Variants in NRG1 observed in about 807,000 individuals in gnomAD.
NRG1 encodes the protein pro-neuregulin-1, membrane-bound isoform.
NRG1 carries 18 observed loss-of-function variants against 63.8 expected under a neutral mutation model. The ratio of observed to expected loss-of-function variants is 0.28; its 90% CI spans 0.19 to 0.42. The LOEUF (loss-of-function observed/expected upper bound fraction) is 0.42, where lower values mean the gene tolerates loss of function less well. NRG1 is among the 10% of genes least tolerant of loss of function. The pLI, the probability that NRG1 is intolerant of heterozygous loss-of-function variation, is 1.00. For synonymous variants in NRG1, 302 were observed against 301.3 expected (o/e 1.00, Z -0.02); for missense variants, 762 against 814.7 (o/e 0.94, Z 0.79).
chr8:31,653,955 C>CTT (rs35705418), intron 1 of NRG1, among the ~76,000 whole-genome samples: 320 of 146,832 alleles, frequency 2.2e-3, no homozygotes, highest in Non-Finnish European at 3.5e-3. Context: ...TCATGATGCG[C>CTT]TTTTTTTTTT....
intron 6 of NRG1, among the ~76,000 whole-genome samples, chr8:32,734,675 C>A (rs560330950): frequency 7.9e-5 from 12 of 152,290 alleles, no homozygotes; most frequent in Admixed American, 5.2e-4. Flanking sequence ...TAGAATCCTA[C>A]TATGTGCTTA....
At chr8:31,696,752 G>C (rs1022871210) in intron 1 of NRG1, among the ~76,000 whole-genome samples, 2 of 152,164 alleles carry the variant, frequency 1.3e-5, no homozygotes, top group Non-Finnish European at 2.9e-5. Flanking sequence ...TGTGCAACAT[G>C]CCCAAATTCT....
At chr8:32,322,010 T>C (rs982266226) in intron 1 of NRG1, among the ~76,000 whole-genome samples, 1 of 152,126 alleles carries the variant, frequency 6.6e-6, no homozygotes, top group Non-Finnish European at 1.5e-5. Flanking sequence ...TTTTCCAGCT[T>C]TAAAATTTTT....
intron 1 of NRG1, among the ~76,000 whole-genome samples, chr8:32,505,869 A>G (rs1828459565): frequency 6.6e-6 from 1 of 152,158 alleles, no homozygotes; most frequent in Non-Finnish European, 1.5e-5. Flanking sequence ...CCAGGTGGGA[A>G]ATTTTGCTAG....
chr8:32,368,805 A>T lies in NRG1; in HGVS notation c.38-227023A>T, dbSNP rs149005418. Among the ~76,000 whole-genome samples the T allele has an allele frequency of 2.5e-3, 375 of 152,312 alleles. 1 individual carries two copies. The highest frequency in any genetic ancestry group is 7.9e-3 in the African/African-American group (327 of 41,554). On this transcript the variant is annotated intron_variant, in intron 1 of 10. Transcript: ENST00000519301. Reference sequence around the variant, plus strand: ...CCACCTTTGTCAAAAAATAATTTTAATTTAAAAAATGATGTAAACTTATTT... The same window carrying T: ...CCACCTTTGTCAAAAAATAATTTTATTTTAAAAAATGATGTAAACTTATTT...
intron 1 of NRG1, among the ~76,000 whole-genome samples, chr8:32,172,864 T>C (rs534524035): frequency 1.3e-5 from 2 of 152,286 alleles, no homozygotes; most frequent in East Asian, 3.9e-4. Context: ...CTACATCTGA[T>C]TGGTGTAACT....
chr8:31,958,648 G>A (rs748023445), intron 1 of NRG1, among the ~76,000 whole-genome samples: 4 of 152,204 alleles, frequency 2.6e-5, no homozygotes, highest in Non-Finnish European at 5.9e-5. Context: ...ATGAGGCTTA[G>A]AAGTCTTTGC....
At chr8:32,306,134 A>G (rs1342794532) in intron 1 of NRG1, among the ~76,000 whole-genome samples, 1 of 152,168 alleles carries the variant, frequency 6.6e-6, no homozygotes, top group African/African-American at 2.4e-5. Flanking sequence ...CCATTTCACC[A>G]TTTACTTTCC....
intron 1 of NRG1, among the ~76,000 whole-genome samples, chr8:32,386,986 C>G (rs1481683667): frequency 6.6e-6 from 1 of 152,086 alleles, no homozygotes; most frequent in African/African-American, 2.4e-5. Context: ...ATTGCTAGTT[C>G]AAAATGTCAG....
At chr8:32,757,417 C>G (rs1829880677) in intron 9 of NRG1, among the ~76,000 whole-genome samples, 1 of 152,070 alleles carries the variant, frequency 6.6e-6, no homozygotes, top group Admixed American at 6.5e-5. Flanking sequence ...GTACCATTTT[C>G]TATCCTATAG....
chr8:31,851,495 A>G (rs1216216884), intron 1 of NRG1, among the ~76,000 whole-genome samples: 1 of 152,214 alleles, frequency 6.6e-6, no homozygotes, highest in Non-Finnish European at 1.5e-5. Context: ...AATTACACTG[A>G]AAGGCATTTT....
At chr8:32,296,346 T>C (rs1330502821) in intron 1 of NRG1, among the ~76,000 whole-genome samples, 1 of 152,052 alleles carries the variant, frequency 6.6e-6, no homozygotes, top group Non-Finnish European at 1.5e-5. Flanking sequence ...CCCCAGCCCT[T>C]TGGGGGGCTG....
At chr8:32,301,432 G>T (rs1288730335) in intron 1 of NRG1, among the ~76,000 whole-genome samples, 3 of 152,244 alleles carry the variant, frequency 2.0e-5, no homozygotes, top group Non-Finnish European at 2.9e-5. Context: ...TTGACCCAGG[G>T]TATGCTTTGG....
chr8:31,708,853 G>A (rs1811441797), intron 1 of NRG1, among the ~76,000 whole-genome samples: 1 of 152,092 alleles, frequency 6.6e-6, no homozygotes, highest in Non-Finnish European at 1.5e-5. Context: ...GGGGTTAGAG[G>A]GTTAGGGGCA....
intron 1 of NRG1, among the ~76,000 whole-genome samples, chr8:31,988,448 G>A (rs886438087): frequency 6.6e-6 from 1 of 152,046 alleles, no homozygotes; most frequent in African/African-American, 2.4e-5. Flanking sequence ...CAGCCACTTT[G>A]TGGATTGGCC....
intron 1 of NRG1, among the ~76,000 whole-genome samples, chr8:32,340,698 A>T (rs1289594033): frequency 6.6e-6 from 1 of 152,160 alleles, no homozygotes; most frequent in African/African-American, 2.4e-5. Context: ...GACTCTGAAA[A>T]ACTCAAGAAC....
At chr8:32,404,226 G>T (rs1813632290) in intron 1 of NRG1, among the ~76,000 whole-genome samples, 1 of 152,142 alleles carries the variant, frequency 6.6e-6, no homozygotes. Flanking sequence ...TTCCACAGCT[G>T]CAGTGGTACC....
At position 31,879,013 on chromosome 8, in the gene NRG1, C is replaced by A. The variant is rs888395729; in HGVS notation, c.37+239582C>A. Among the ~76,000 whole-genome samples, 10 of 151,644 alleles carry A rather than the reference C, an allele frequency of 6.6e-5. 1 individual carries two copies. The East Asian group carries it at 7.8e-4, about 12-fold the overall frequency. On this transcript the variant is annotated intron_variant, in intron 1 of 10. Coordinates refer to the NRG1 transcript ENST00000519301. ...AGACTCCATCTCAAGAAAAAAAAAACAAACAAACAAAAAAAGGAAGTGGCA... is the reference window on the plus strand; with the variant it reads ...AGACTCCATCTCAAGAAAAAAAAAAAAAACAAACAAAAAAAGGAAGTGGCA...
intron 1 of NRG1, among the ~76,000 whole-genome samples, chr8:32,064,255 A>T (rs1221965459): frequency 6.6e-6 from 1 of 152,142 alleles, no homozygotes; most frequent in Non-Finnish European, 1.5e-5. Flanking sequence ...ACATTAAATT[A>T]TAAGAATTAT....
Sources: allele counts gnomAD v4.1 joint callset (sites outside exome capture counted in the v4.1 genomes callset), GRCh38; gene constraint gnomAD v4.1.1; transcripts MANE v1.5; gene names NCBI Gene and HGNC (gene_info 2026-07-23, HGNC 2026-07-21).